HS6ST3: variants seen among roughly 807,000 people sequenced by gnomAD.
HS6ST3 encodes the protein heparan sulfate 6-O-sulfotransferase 3.
A neutral mutation model predicts 36.7 loss-of-function variants in HS6ST3; 12 were observed. That is an observed-to-expected ratio of 0.33 (90% CI 0.21 to 0.53). The LOEUF is 0.53. Ranked by LOEUF, HS6ST3 falls within the 20% of genes least tolerant of loss-of-function variation. HS6ST3 has a pLI of 0.95. For missense variants in HS6ST3, 584 were observed against 640.9 expected (o/e 0.91, Z 0.96); for synonymous variants, 240 against 257.5 (o/e 0.93, Z 0.65).
At chr13:96,791,137 T>G (rs1024075820) in intron 1 of HS6ST3, among the ~76,000 whole-genome samples, 1 of 152,048 alleles carries the variant, frequency 6.6e-6, no homozygotes. Flanking sequence ...AAATATATTC[T>G]ACTGAGGTTG....
chr13:96,326,146 C>T (rs892948424), intron 1 of HS6ST3, among the ~76,000 whole-genome samples: 2 of 149,216 alleles, frequency 1.3e-5, no homozygotes, highest in Non-Finnish European at 3.0e-5. Context: ...TAATTTGAAA[C>T]ATCTGATATA....
intron 1 of HS6ST3, among the ~76,000 whole-genome samples, chr13:96,662,081 G>T (rs899309388): frequency 6.6e-6 from 1 of 152,084 alleles, no homozygotes; most frequent in Non-Finnish European, 1.5e-5. Flanking sequence ...CCTTGGTGAT[G>T]TGCATCTTGC....
At chr13:96,769,281 A>G in intron 1 of HS6ST3, among the ~76,000 whole-genome samples, 1 of 152,146 alleles carries the variant, frequency 6.6e-6, no homozygotes, top group Non-Finnish European at 1.5e-5. Context: ...TGTTGAGAAC[A>G]TTCCTGACTT....
At chr13:96,523,989 T>C (rs1392321732) in intron 1 of HS6ST3, among the ~76,000 whole-genome samples, 2 of 152,232 alleles carry the variant, frequency 1.3e-5, no homozygotes, top group African/African-American at 4.8e-5. Context: ...CCCTAATCTT[T>C]GTGGTTTTAT....
intron 1 of HS6ST3, among the ~76,000 whole-genome samples, chr13:96,413,195 T>G (rs1426254671): frequency 6.6e-6 from 1 of 152,206 alleles, no homozygotes; most frequent in African/African-American, 2.4e-5. Context: ...TAATTCGATT[T>G]TGAGATAGCA....
rs528201521 is a variant in HS6ST3 at position 96,811,919 on chromosome 13, C to T, written c.708-20571C>T. On this transcript the variant is annotated intron_variant, in intron 1 of 1. Coordinates refer to ENST00000376705, the MANE Select transcript of HS6ST3 (RefSeq NM_153456.4). ...GACTCAGGCAATGGGGAAATCTTGACCAAAGAATGGATGTGCTTAGGGTGT... is the reference window on the plus strand; with the variant it reads ...GACTCAGGCAATGGGGAAATCTTGATCAAAGAATGGATGTGCTTAGGGTGT... Among the ~76,000 whole-genome samples, 37 of 152,208 alleles carry T rather than the reference C, an allele frequency of 2.4e-4. No individual in the cohort carries two copies. In the South Asian group the frequency reaches 7.1e-3, roughly 29 times the overall value.
intron 1 of HS6ST3, among the ~76,000 whole-genome samples, chr13:96,661,953 T>G (rs575905774): frequency 6.6e-6 from 1 of 152,306 alleles, no homozygotes; most frequent in Non-Finnish European, 1.5e-5. Flanking sequence ...AATTTTCTGC[T>G]AAGAAGTCTA....
intron 1 of HS6ST3, among the ~76,000 whole-genome samples, chr13:96,224,220 A>G (rs1238064881): frequency 6.6e-6 from 1 of 152,124 alleles, no homozygotes. Flanking sequence ...ATGATTGCAA[A>G]TGAGACCCCA....
chr13:96,389,063 C>T (rs1446837279), intron 1 of HS6ST3, among the ~76,000 whole-genome samples: 3 of 152,090 alleles, frequency 2.0e-5, no homozygotes, highest in Non-Finnish European at 4.4e-5. Flanking sequence ...TTGATAAACT[C>T]ATTGAAAATG....
chr13:96,736,183 A>G lies in HS6ST3; in HGVS notation c.708-96307A>G, dbSNP rs184414185. Among the ~76,000 whole-genome samples the G allele has an allele frequency of 2.0e-4, 30 of 152,264 alleles. No individual in the cohort carries two copies. The East Asian group carries it at 5.8e-3, about 29-fold the overall frequency. ...AAACCCCCATGACACGTGTTTACCT[A>G]TGTAACATACCCACACATCCTGCAC... On this transcript the variant is annotated intron_variant, in intron 1 of 1. Coordinates refer to ENST00000376705, the MANE Select transcript of HS6ST3 (RefSeq NM_153456.4).
intron 1 of HS6ST3, among the ~76,000 whole-genome samples, chr13:96,808,355 C>G (rs1361145022): frequency 6.6e-6 from 1 of 152,136 alleles, no homozygotes; most frequent in Non-Finnish European, 1.5e-5. Context: ...GTATCACTTC[C>G]AGATCAAAGC....
chr13:96,817,001 A>G (rs61968195), intron 1 of HS6ST3, among the ~76,000 whole-genome samples: 5,019 of 152,154 alleles, frequency 0.033, 98 homozygotes, highest in African/African-American at 0.044. Context: ...AGAAAATTAA[A>G]ACGCCCTCTT....
At chr13:96,398,963 T>C (rs4771944) in intron 1 of HS6ST3, among the ~76,000 whole-genome samples, 77,124 of 151,978 alleles carry the variant, frequency 0.51, 19,909 homozygotes, top group Middle Eastern at 0.6. Flanking sequence ...GGTCCCCCAG[T>C]TCAGAACAGA....
At chr13:96,475,027 A>G (rs539731165) in intron 1 of HS6ST3, among the ~76,000 whole-genome samples, 2 of 152,230 alleles carry the variant, frequency 1.3e-5, no homozygotes, top group African/African-American at 4.8e-5. Context: ...GAGAAAATGC[A>G]AGGTTCAAAG....
intron 1 of HS6ST3, among the ~76,000 whole-genome samples, chr13:96,819,062 C>T (rs1878478811): frequency 6.6e-6 from 1 of 152,218 alleles, no homozygotes; most frequent in African/African-American, 2.4e-5. Context: ...AAGAAAGCAA[C>T]CCACTATTTT....
chr13:96,136,294 G>A (rs930685378), intron 1 of HS6ST3, among the ~76,000 whole-genome samples: 5 of 152,296 alleles, frequency 3.3e-5, no homozygotes, highest in South Asian at 2.1e-4. Context: ...AATTTATAAA[G>A]AAAAGAGGTT....
chr13:96,759,948 C>G (rs1220873328), intron 1 of HS6ST3, among the ~76,000 whole-genome samples: 1 of 151,846 alleles, frequency 6.6e-6, no homozygotes. Context: ...GCAACTCCAG[C>G]TTTAGTGTTT....
chr13:96,601,259 T>G (rs1184788938), intron 1 of HS6ST3, among the ~76,000 whole-genome samples: 1 of 152,182 alleles, frequency 6.6e-6, no homozygotes, highest in Non-Finnish European at 1.5e-5. Flanking sequence ...TCAAATAGTT[T>G]TTTTCAAACT....
intron 1 of HS6ST3, among the ~76,000 whole-genome samples, chr13:96,523,064 C>CA (rs1389255946): frequency 6.6e-6 from 1 of 152,120 alleles, no homozygotes; most frequent in African/African-American, 2.4e-5. Flanking sequence ...CTGGTGGTGA[C>CA]AAAATCTCTT....
Sources: gnomAD v4.1 joint callset for allele counts (sites outside exome capture counted in the v4.1 genomes callset) on GRCh38, gnomAD v4.1.1 for gene constraint, MANE v1.5 for transcripts, NCBI Gene and HGNC (gene_info 2026-07-23, HGNC 2026-07-21) for gene names.